Variants in CACNA1C observed in about 807,000 individuals in gnomAD.
CACNA1C encodes voltage-dependent L-type calcium channel subunit alpha-1C.
In CACNA1C, 30 loss-of-function variants were observed where a neutral mutation model predicts 229.0. The ratio of observed to expected loss-of-function variants is 0.13; its 90% confidence interval spans 0.10 to 0.18. CACNA1C has a LOEUF of 0.18. Ranked by LOEUF, CACNA1C falls within the 10% of genes least tolerant of loss-of-function variation. CACNA1C has a pLI of 1.00. For missense variants in CACNA1C, 1,658 were observed against 2,845.0 expected (o/e 0.58, Z 9.49); for synonymous variants, 1,114 against 1,132.5 (o/e 0.98, Z 0.33).
chr12:2,273,151 C>T (rs1198785457), intron 3 of CACNA1C, among the ~76,000 whole-genome samples: 1 of 152,180 alleles, frequency 6.6e-6, no homozygotes, highest in African/African-American at 2.4e-5. Flanking sequence ...AAGTCCCTTG[C>T]ATAAAATGCA....
In CACNA1C at chr12:2,432,797, A is replaced by G. The variant is rs185930062; in HGVS notation, c.478-16179A>G. Among the ~76,000 whole-genome samples, 224 of 152,272 alleles carry G rather than the reference A, an allele frequency of 1.5e-3. 1 individual carries two copies. Among genetic ancestry groups the G allele is most frequent in the Admixed American group, 4.1e-3 (63 of 15,292 alleles). On this transcript the variant is annotated intron_variant, in intron 3 of 46. Coordinates refer to ENST00000399655, the MANE Select transcript of CACNA1C (RefSeq NM_000719.7). ...CTATACTGTCTTCATCTGAACAACT[A>G]AAGCCCTGGACCAGATGAACTTCCA...
chr12:2,194,320 G>C (rs7133502), intron 3 of CACNA1C, among the ~76,000 whole-genome samples: 15 of 143,264 alleles, frequency 1.0e-4, no homozygotes, highest in South Asian at 2.3e-4. Flanking sequence ...GCCTCCTCCC[G>C]TTCCTCCTCC....
intron 8 of CACNA1C, among the ~76,000 whole-genome samples, chr12:2,509,860 T>G (rs2099779778): frequency 6.6e-6 from 1 of 152,224 alleles, no homozygotes; most frequent in African/African-American, 2.4e-5. Flanking sequence ...CATCTGCACA[T>G]GTCCACAGAT....
chr12:2,335,938 A>AAACAGTTTGTTCAAAGCTTGC (rs1316265494), intron 3 of CACNA1C, among the ~76,000 whole-genome samples: 8 of 152,146 alleles, frequency 5.3e-5, no homozygotes, highest in Non-Finnish European at 1.0e-4. Flanking sequence ...GTTCAAGTAC[A>AAACAGTTTGTTCAAAGCTTGC]AACAGTTTGC....
chr12:2,589,494 C>T (rs2064140108), intron 18 of CACNA1C, among the ~76,000 whole-genome samples: 1 of 152,190 alleles, frequency 6.6e-6, no homozygotes, highest in South Asian at 2.1e-4. Flanking sequence ...TGTGGGGACT[C>T]CAAAGAGGGC....
At position 2,566,468 on chromosome 12, in the gene CACNA1C, G is replaced by A. The variant is rs371702432; in HGVS notation, c.1555G>A (p.Ala519Thr). 47 of 1,595,820 alleles carry A rather than the reference G, an allele frequency of 2.9e-5. No homozygotes were observed. The highest frequency in any genetic ancestry group is 3.8e-5 in the Non-Finnish European group (45 of 1,171,204). ...WNRFCRRKCRAAVKSNVFYWL... is the reference protein window; with the variant it reads ...WNRFCRRKCRTAVKSNVFYWL... ...TCGGTTCTGCAGAAGGAAGTGCCGCGCCGCAGTCAAGTCTAATGTCTTCTA... is the reference window on the plus strand; with the variant it reads ...TCGGTTCTGCAGAAGGAAGTGCCGCACCGCAGTCAAGTCTAATGTCTTCTA... Residue 519 changes from alanine (A) to threonine (T), a missense_variant, in exon 12 of 47, where the codon GCC becomes ACC. By Grantham distance (58) the Ala-to-Thr change is moderately conservative. Coordinates refer to ENST00000399655, the MANE Select transcript of CACNA1C (RefSeq NM_000719.7). The surrounding 1 kb of genome is among the most constrained non-coding windows in gnomAD (Gnocchi z 4.0).
chr12:2,498,844 A>G (rs1287047556), intron 7 of CACNA1C, among the ~76,000 whole-genome samples: 1 of 152,232 alleles, frequency 6.6e-6, no homozygotes, highest in African/African-American at 2.4e-5. Context: ...GCTGTCAGCC[A>G]GTTGTCTCCT....
rs1375443418 is a variant in CACNA1C, at chr12:2,029,229, T to C, written c.139+58028T>C. Among the ~76,000 whole-genome samples, 1 of 152,232 alleles carries C rather than the reference T, an allele frequency of 6.6e-6. No homozygotes were observed. Among genetic ancestry groups the C allele is most frequent in the Non-Finnish European group, 1.5e-5 (1 of 68,036 alleles). The stretch of plus-strand genomic sequence containing the variant: ...ACCTGCATTCTATCGGAAAGCCAGT[T>C]GTCATTCGTGGGGCCAATATGTTGA... On this transcript the variant is annotated intron_variant, in intron 1 of 46. Coordinates refer to the CACNA1C transcript ENST00000682462. This position sits in a 1 kb window ranked among gnomAD's most constrained non-coding sequence, Gnocchi z 4.9.
chr12:2,081,299 G>A (rs949224470), intron 1 of CACNA1C, among the ~76,000 whole-genome samples: 6 of 152,130 alleles, frequency 3.9e-5, no homozygotes, highest in South Asian at 2.1e-4. Flanking sequence ...GGCCAGGTGC[G>A]GTGGCTCACG....
chr12:2,234,771 C>T (rs1288327374), intron 3 of CACNA1C, among the ~76,000 whole-genome samples: 1 of 152,130 alleles, frequency 6.6e-6, no homozygotes, highest in South Asian at 2.1e-4. Flanking sequence ...ATTAGCTGAC[C>T]TACATAGCTT....
At chr12:2,280,004 C>A (rs2090504202) in intron 3 of CACNA1C, among the ~76,000 whole-genome samples, 2 of 152,200 alleles carry the variant, frequency 1.3e-5, no homozygotes, top group African/African-American at 4.8e-5. Flanking sequence ...TTACTCTTAA[C>A]CTATTTGTGT....
chr12:2,071,154 C>CTCCT (rs2061147930), intron 1 of CACNA1C, among the ~76,000 whole-genome samples: 1 of 56,332 alleles, frequency 1.8e-5, no homozygotes, highest in East Asian at 4.8e-4. Context: ...CCCTCCCTCC[C>CTCCT]TCCCTCCCTC....
At chr12:2,616,909 C>G (rs1343343535) in intron 29 of CACNA1C, among the ~76,000 whole-genome samples, 3 of 152,248 alleles carry the variant, frequency 2.0e-5, no homozygotes, top group Admixed American at 6.5e-5. Context: ...CTGGGCCCGA[C>G]AGGCCTTACC....
At chr12:2,669,626 C>T (rs191751339) in intron 38 of CACNA1C, among the ~76,000 whole-genome samples, 1 of 152,324 alleles carries the variant, frequency 6.6e-6, no homozygotes, top group Non-Finnish European at 1.5e-5. Context: ...GTGGGTGTCT[C>T]AAATGCTCAA....
At chr12:2,052,739 G>A (rs1353806977), upstream of CACNA1C, among the ~76,000 whole-genome samples, 1 of 145,910 alleles carries the variant, frequency 6.9e-6, no homozygotes, top group Non-Finnish European at 1.5e-5. Flanking sequence ...TCATGCGGGC[G>A]GAGGGCTCGC....
chr12:2,536,289 G>A (rs2099855044), intron 9 of CACNA1C, among the ~76,000 whole-genome samples: 1 of 152,210 alleles, frequency 6.6e-6, no homozygotes, highest in South Asian at 2.1e-4. Flanking sequence ...GGGTGCAAAC[G>A]TCAAAACTCA....
intron 5 of CACNA1C, among the ~76,000 whole-genome samples, chr12:2,485,672 A>C (rs2099694777): frequency 6.6e-6 from 1 of 152,136 alleles, no homozygotes; most frequent in Non-Finnish European, 1.5e-5. Flanking sequence ...CAGCTCTGGG[A>C]CTTTTTCCAA....
At chr12:2,561,860 C>T (rs1188963742) in intron 11 of CACNA1C, among the ~76,000 whole-genome samples, 1 of 152,188 alleles carries the variant, frequency 6.6e-6, no homozygotes, top group East Asian at 1.9e-4. Flanking sequence ...ATATGAATAG[C>T]AGGCAAATTT....
At position 2,468,981 on chromosome 12, in the gene CACNA1C, C is replaced by G. The variant is rs1224216432; in HGVS notation, c.757+11275C>G. ...TTCAGTCAGCTGACTTCTTGAGCAC[C>G]CTCTTGCATGTTAGTTAGTTTAGTT... On this transcript the variant is annotated intron_variant, in intron 5 of 46. Coordinates refer to ENST00000399655, the MANE Select transcript of CACNA1C (RefSeq NM_000719.7). Among the ~76,000 whole-genome samples, 6 of 152,138 alleles carry G rather than the reference C, an allele frequency of 3.9e-5. No homozygotes were observed. In the South Asian group the frequency reaches 6.2e-4, roughly 16 times the overall value.
Sources: gnomAD v4.1 joint callset for allele counts (sites outside exome capture counted in the v4.1 genomes callset) on GRCh38, gnomAD v4.1.1 for gene constraint, Gnocchi (gnomAD v3.1) non-coding constraint, MANE v1.5 for transcripts, NCBI Gene and HGNC (gene_info 2026-07-23, HGNC 2026-07-21) for gene names.